ODAD4: variants seen among roughly 807,000 people sequenced by gnomAD.
ODAD4 encodes outer dynein arm-docking complex subunit 4.
In ODAD4, 49 loss-of-function variants were observed where a neutral mutation model predicts 51.8. The ratio of observed to expected loss-of-function variants is 0.95; its 90% confidence interval spans 0.75 to 1.20. The LOEUF is 1.20. Among genes scored for constraint, ODAD4 ranks in the 50% most tolerant of loss-of-function variants. ODAD4 has a pLI of 0.00. For missense variants in ODAD4, 590 were observed against 586.5 expected (o/e 1.01, Z -0.06); for synonymous variants, 235 against 221.3 (o/e 1.06, Z -0.55).
intron 7 of ODAD4, among the ~76,000 whole-genome samples, chr17:41,944,305 A>G (rs1406444860): frequency 6.6e-6 from 1 of 151,856 alleles, no homozygotes; most frequent in Non-Finnish European, 1.5e-5. Flanking sequence ...CGGAGGCTGC[A>G]GTGAGCCAAG....
At chr17:41,937,663 GGTT>G (rs2050446905) in intron 5 of ODAD4, among the ~76,000 whole-genome samples, 1 of 152,152 alleles carries the variant, frequency 6.6e-6, no homozygotes, top group African/African-American at 2.4e-5. Flanking sequence ...GCAGAGATGG[GGTT>G]TCACCATGTT....
At chr17:41,935,481 AAGTCC>A in intron 2 of ODAD4, 113 bp from the exon 3 acceptor site, 2 of 1,505,996 alleles carry the variant, frequency 1.3e-6, no homozygotes, top group Non-Finnish European at 1.8e-6. Flanking sequence ...GTCATTGCCT[AAGTCC>A]CTGCCCCCTG....
In ODAD4 at chr17:41,955,226, G is replaced by T. The variant is rs1003175580; in HGVS notation, c.1352G>T (p.Arg451Ile). 2 of 778,208 alleles carry T rather than the reference G, an allele frequency of 2.6e-6. No homozygotes were observed. Among genetic ancestry groups the T allele is most frequent in the Non-Finnish European group, 4.8e-6 (2 of 416,846 alleles). 48.2% of individuals were successfully genotyped at this position (778,208 alleles called of 1,614,324 possible). Residue 451 changes from arginine (R) to isoleucine (I), a missense_variant, in exon 10 of 12, where the codon AGA (arginine) becomes ATA (isoleucine). Arg to Ile is a moderately conservative substitution (Grantham distance 97). Around this residue, in one of 3 missense-constraint regions of ODAD4, gnomAD observed 226 missense variants for 162.7 expected, o/e 1.39. Transcript: ENST00000377540. Reference protein sequence around the residue: ...VLVAQAQVKLRDFESAVNNFE... With the variant: ...VLVAQAQVKLIDFESAVNNFE... ...TCCCCTTGCTCTCCAGTGAAGCTGAGAGACTTCGAGTCAGCCGTGAACAAT... is the reference window on the plus strand; with the variant it reads ...TCCCCTTGCTCTCCAGTGAAGCTGATAGACTTCGAGTCAGCCGTGAACAAT...
At position 41,966,036 on chromosome 17, in the gene ODAD4, T is replaced by G. The variant is rs2050881754; in HGVS notation, c.*553T>G. ...CCGCCTCTGACACCTCTGGGTGGCATAATCAGGTAAATCAGGCTCTCCAAG... is the reference window on the plus strand; with the variant it reads ...CCGCCTCTGACACCTCTGGGTGGCAGAATCAGGTAAATCAGGCTCTCCAAG... On this transcript the variant is annotated 3_prime_UTR_variant, in exon 12 of 12. Coordinates refer to ENST00000377540, the MANE Select transcript of ODAD4 (RefSeq NM_031421.5). Among the ~76,000 whole-genome samples, 1 of 152,146 alleles carries G rather than the reference T, an allele frequency of 6.6e-6. No homozygotes were observed. Among genetic ancestry groups the G allele is most frequent in the Admixed American group, 6.5e-5 (1 of 15,280 alleles).
chr17:41,951,909 A>T (rs1377282076), intron 9 of ODAD4, among the ~76,000 whole-genome samples: 1 of 148,782 alleles, frequency 6.7e-6, no homozygotes, highest in Non-Finnish European at 1.5e-5. Flanking sequence ...AAAAAAAAAA[A>T]AAATTAGCCT....
Position 41,935,323 on chromosome 17 carries a change from T to C in ODAD4, c.221T>C (p.Leu74Pro), listed in dbSNP as rs1555637548. The C allele has an allele frequency of 1.2e-6, 2 of 1,613,924 alleles. No individual in the cohort carries two copies. The highest frequency in any genetic ancestry group is 1.7e-6 in the Non-Finnish European group (2 of 1,179,876). The change falls in exon 2 of 12, where the codon CTC becomes CCC. Residue 74 changes from leucine to proline, a missense_variant. By Grantham distance (98) the Leu-to-Pro change is moderately conservative (BLOSUM62 -3). Around this residue, in one of 3 missense-constraint regions of ODAD4, gnomAD observed 360 missense variants for 407.5 expected, o/e 0.88. Transcript: ENST00000377540. ...TCCCTGAAGGATGCTGAGGCTTCGC[T>C]CCAGAGTGACCCAGCTTTCTGTAAG... ...ERSLKDAEASLQSDPAFCKGI... is the reference protein window; with the variant it reads ...ERSLKDAEASPQSDPAFCKGI...
At chr17:41,942,710 A>G (rs1353599021) in intron 7 of ODAD4, among the ~76,000 whole-genome samples, 1 of 152,096 alleles carries the variant, frequency 6.6e-6, no homozygotes, top group Non-Finnish European at 1.5e-5. Flanking sequence ...AAGATGTGGC[A>G]GGGATGGAGG....
intron 1 of ODAD4, among the ~76,000 whole-genome samples, chr17:41,932,743 T>TC (rs1372770020): frequency 4.0e-5 from 6 of 150,624 alleles, no homozygotes; most frequent in African/African-American, 1.5e-4. Context: ...TTTTTTTTTT[T>TC]TGTAGAGATA....
At chr17:41,947,380 G>A (rs1484103252) in intron 8 of ODAD4, among the ~76,000 whole-genome samples, 2 of 151,830 alleles carry the variant, frequency 1.3e-5, no homozygotes, top group Non-Finnish European at 2.9e-5. Flanking sequence ...AGCTACACAG[G>A]AGGCTGAGGC....
In ODAD4 at chr17:41,965,775, CAAG is replaced by C. The variant is rs2050875997; in HGVS notation, c.*296_*298del. 3.1e-6 allele frequency: 1 copy of C among 326,756 alleles called. No individual in the cohort carries two copies. The highest frequency in any genetic ancestry group is 5.7e-6 in the Non-Finnish European group (1 of 175,834). 20.2% of individuals were successfully genotyped at this position (326,756 alleles called of 1,614,324 possible). ...GTGAAGATACGGGCGCTACAGGGAA[CAAG>C]AAGTCACAGGGAGGAGAGGGGAAGG... is the stretch of plus-strand genomic sequence containing the variant. On this transcript the variant is annotated 3_prime_UTR_variant, in exon 12 of 12. Transcript: ENST00000377540.
In ODAD4 at chr17:41,966,498, G is replaced by C. The variant is rs1555642785; in HGVS notation, c.*1015G>C. ...AAAATTAAAGACAGGATCCGACTTT[G>C]CACGACCCTGCCTCACTCACTTCCT... On this transcript the variant is annotated 3_prime_UTR_variant, in exon 12 of 12. Transcript: ENST00000377540. Among the ~76,000 whole-genome samples the C allele has an allele frequency of 6.6e-6, 1 of 152,206 alleles. No homozygotes were observed. Among genetic ancestry groups the C allele is most frequent in the Non-Finnish European group, 1.5e-5 (1 of 68,028 alleles).
intron 11 of ODAD4, among the ~76,000 whole-genome samples, chr17:41,962,172 G>C (rs781926623): frequency 1.3e-5 from 2 of 152,118 alleles, no homozygotes; most frequent in Non-Finnish European, 2.9e-5. Context: ...TAGGTGCTGT[G>C]GGGGGAAAGG....
chr17:41,941,547 A>C (rs2050505857), intron 7 of ODAD4, among the ~76,000 whole-genome samples: 1 of 152,102 alleles, frequency 6.6e-6, no homozygotes, highest in African/African-American at 2.4e-5. Context: ...GTGGATCACG[A>C]GGTCAGGAGA....
intron 9 of ODAD4, among the ~76,000 whole-genome samples, chr17:41,952,839 G>A (rs1018378329): frequency 2.0e-4 from 30 of 151,702 alleles, no homozygotes; most frequent in African/African-American, 6.8e-4. Context: ...CCCAGGCTCC[G>A]GTGATTCTCC....
At position 41,932,995 on chromosome 17, in the gene ODAD4, CTCAACAGCTCCCCAGAGTCG is replaced by C. The variant is rs1276882232; in HGVS notation, c.114+2160_114+2179del. On this transcript the variant is annotated intron_variant, in intron 1 of 11. Coordinates refer to ENST00000377540, the MANE Select transcript of ODAD4 (RefSeq NM_031421.5). ...TGAGACTTCCTGTAAGATCAAGCTT[CTCAACAGCTCCCCAGAGTCG>C]TTTGTCCCTTTCAGTCACCAACCAC... Among the ~76,000 whole-genome samples the C allele has an allele frequency of 4.6e-5, 7 of 152,140 alleles. No individual in the cohort carries two copies. The East Asian group carries it at 1.3e-3, about 29-fold the overall frequency.
intron 10 of ODAD4, among the ~76,000 whole-genome samples, chr17:41,960,207 C>T (rs2050786483): frequency 6.6e-6 from 1 of 152,194 alleles, no homozygotes; most frequent in Non-Finnish European, 1.5e-5. Flanking sequence ...TGGCTCACAC[C>T]TGTCATCCCA....
chr17:41,948,186 A>G (rs2050611299), intron 8 of ODAD4, among the ~76,000 whole-genome samples: 2 of 152,018 alleles, frequency 1.3e-5, no homozygotes, highest in Non-Finnish European at 2.9e-5. Flanking sequence ...AATAGAGAAA[A>G]GTATTCAGTC....
chr17:41,949,843 T>C (rs2050630890), intron 9 of ODAD4, among the ~76,000 whole-genome samples: 2 of 151,762 alleles, frequency 1.3e-5, no homozygotes, highest in African/African-American at 4.8e-5. Context: ...TGGCTAATTT[T>C]TTGTGTTTTT....
chr17:41,939,863 G>A lies in ODAD4; in HGVS notation c.1058+691G>A, dbSNP rs532183100. On this transcript the variant is annotated intron_variant, in intron 7 of 11. Coordinates refer to ENST00000377540, the MANE Select transcript of ODAD4 (RefSeq NM_031421.5). ...GCTGTGGAACTTGCACCGCCCAGCC[G>A]TGGAACCTGAGATAAGCCACTTTAG... Among the ~76,000 whole-genome samples the A allele has an allele frequency of 7.2e-5, 11 of 152,252 alleles. No homozygotes were observed. The East Asian group carries it at 1.9e-3, about 27-fold the overall frequency.
Sources: gnomAD v4.1 joint callset for allele counts (sites outside exome capture counted in the v4.1 genomes callset) on GRCh38, gnomAD v4.1.1 for gene constraint, gnomAD v4.1.1 regional missense constraint, MANE v1.5 for transcripts, NCBI Gene and HGNC (gene_info 2026-07-23, HGNC 2026-07-21) for gene names.